CRYBG3: variants seen among roughly 807,000 people sequenced by gnomAD.
CRYBG3 encodes very large A-kinase anchor protein.
A neutral mutation model predicts 244.2 loss-of-function variants in CRYBG3; 127 were observed. That is an observed-to-expected ratio of 0.52 (90% CI 0.45 to 0.60). CRYBG3 has a LOEUF of 0.60. Among genes scored for constraint, CRYBG3 ranks in the 20% least tolerant of loss-of-function variants. The probability of loss-of-function intolerance (pLI) is 0.00; values close to 1 mark genes in which losing one functional copy is unlikely to be tolerated. For synonymous variants in CRYBG3, 1,132 were observed against 1,195.8 expected, an observed-to-expected ratio of 0.95 and a Z score of 1.10; for missense variants, 3,325 against 3,442.5, an observed-to-expected ratio of 0.97 and a Z score of 0.85.
At chr3:97,897,173 C>T (rs2039648903) in intron 12 of CRYBG3, among the ~76,000 whole-genome samples, 3 of 151,820 alleles carry the variant, frequency 2.0e-5, no homozygotes, top group African/African-American at 7.3e-5. Context: ...AGATCTTTGA[C>T]ATTGAGTTGG....
In CRYBG3 at chr3:97,874,406, G is replaced by A. The variant is rs1364787378; in HGVS notation, c.3212G>A (p.Ser1071Asn). ...TCCTCTAGTTACCCTGAAGAAGTTA[G>A]CATGATAGTAAATTCACATAAGCCC... ...SSSSSYPEEV[S>N]MIVNSHKPQN... Residue 1071 changes from serine (S) to asparagine (N), a missense_variant, in exon 4 of 22, where the codon AGC becomes AAC. Around this residue, in one of 4 missense-constraint regions of CRYBG3, gnomAD observed 1,526 missense variants for 1,443.2 expected, o/e 1.06. Transcript: ENST00000389622. 28 of 1,534,648 alleles carry A rather than the reference G, an allele frequency of 1.8e-5. No homozygotes were observed. Among genetic ancestry groups the A allele is most frequent in the South Asian group, 1.7e-4 (14 of 83,584 alleles).
At chr3:97,883,622 A>G (rs1181546305) in intron 7 of CRYBG3, among the ~76,000 whole-genome samples, 1 of 152,126 alleles carries the variant, frequency 6.6e-6, no homozygotes, top group African/African-American at 2.4e-5. Flanking sequence ...TTTTTCTTCT[A>G]GTGTTTGTTC....
At chr3:97,884,814 A>G (rs977432968) in intron 7 of CRYBG3, among the ~76,000 whole-genome samples, 1 of 151,948 alleles carries the variant, frequency 6.6e-6, no homozygotes, top group South Asian at 2.1e-4. Flanking sequence ...ATGCCTTCTC[A>G]TTTTTGTTTA....
rs982614485 is a variant in CRYBG3 at position 97,873,788 on chromosome 3, A to G, written c.2594A>G (p.His865Arg). ...KMSSFPLKIT[H>R]VPEKPILSEL... ...TCTTCTTTTCCATTGAAAATTACCCATGTTCCAGAAAAGCCTATTTTGTCA... is the reference window on the plus strand; with the variant it reads ...TCTTCTTTTCCATTGAAAATTACCCGTGTTCCAGAAAAGCCTATTTTGTCA... The change falls in exon 4 of 22, where the codon CAT becomes CGT. Residue 865 changes from histidine (H) to arginine (R), a missense_variant. By Grantham distance (29) the His-to-Arg change is conservative. Around this residue, in one of 4 missense-constraint regions of CRYBG3, gnomAD observed 1,526 missense variants for 1,443.2 expected, o/e 1.06. Coordinates refer to ENST00000389622, the MANE Select transcript of CRYBG3 (RefSeq NM_153605.4). 3.3e-6 allele frequency: 5 copies of G among 1,532,758 alleles called. No homozygotes were observed. The highest frequency in any genetic ancestry group is 2.8e-5 in the African/African-American group (2 of 72,708). 94.9% of individuals were successfully genotyped at this position (1,532,758 alleles called of 1,614,324 possible). A position where few individuals can be genotyped will look rare whatever the true frequency, so the allele number is the denominator to read the frequency against.
intron 17 of CRYBG3, among the ~76,000 whole-genome samples, chr3:97,931,652 G>A (rs2040098058): frequency 6.6e-6 from 1 of 152,014 alleles, no homozygotes; most frequent in South Asian, 2.1e-4. Context: ...ATCTGGGCAT[G>A]CTTTCCTCCT....
intron 1 of CRYBG3, among the ~76,000 whole-genome samples, chr3:97,823,204 G>A (rs1288040946): frequency 6.6e-6 from 1 of 152,162 alleles, no homozygotes; most frequent in Non-Finnish European, 1.5e-5. Flanking sequence ...AGAAAGAGGG[G>A]TTAAGTAAAA....
intron 14 of CRYBG3, 86 bp from the exon 15 acceptor site, chr3:97,900,367 A>T: frequency 1.2e-6 from 1 of 856,402 alleles, no homozygotes; most frequent in Non-Finnish European, 1.9e-6. Context: ...AAGAAAAAAA[A>T]ATTTTTTTCA....
intron 2 of CRYBG3, among the ~76,000 whole-genome samples, chr3:97,857,487 T>G (rs2039083503): frequency 6.6e-6 from 1 of 151,858 alleles, no homozygotes; most frequent in Non-Finnish European, 1.5e-5. Context: ...CCAGCTATTA[T>G]TATATTGGGA....
chr3:97,855,010 A>G (rs1203704446), intron 2 of CRYBG3, among the ~76,000 whole-genome samples: 2 of 151,976 alleles, frequency 1.3e-5, no homozygotes, highest in African/African-American at 2.4e-5. Flanking sequence ...CCTTTATTTC[A>G]TTGAGGTACA....
chr3:97,905,952 T>G (rs2039769384), intron 15 of CRYBG3, among the ~76,000 whole-genome samples: 1 of 148,880 alleles, frequency 6.7e-6, no homozygotes, highest in African/African-American at 2.5e-5. Context: ...CAGTTTCAGC[T>G]TTCTGCATAT....
At chr3:97,904,659 C>A (rs1559739049) in intron 15 of CRYBG3, among the ~76,000 whole-genome samples, 1 of 148,726 alleles carries the variant, frequency 6.7e-6, no homozygotes, top group African/African-American at 2.5e-5. Context: ...TGCGGCTTTT[C>A]TTTTATTTTT....
At chr3:97,924,356 T>G (rs1280065003) in intron 17 of CRYBG3, 3 of 444,024 alleles carry the variant, frequency 6.8e-6, no homozygotes, top group Non-Finnish European at 4.5e-6. Context: ...ACCCTGATGA[T>G]ACTGCAGTAG....
At chr3:97,933,501 CA>C in intron 17 of CRYBG3, 192 bp from the exon 18 acceptor site, 1 of 678,620 alleles carries the variant, frequency 1.5e-6, no homozygotes, top group South Asian at 1.6e-5. Flanking sequence ...TTTTAGTTTA[CA>C]AAAAAGTGAA....
chr3:97,886,227 G>A (rs1427630149), intron 7 of CRYBG3, among the ~76,000 whole-genome samples: 13 of 152,060 alleles, frequency 8.5e-5, no homozygotes, highest in Admixed American at 8.5e-4. Flanking sequence ...TCCCCGATGA[G>A]ATCAGCTTTT....
At chr3:97,846,598 T>A (rs2038905941) in intron 2 of CRYBG3, among the ~76,000 whole-genome samples, 1 of 152,178 alleles carries the variant, frequency 6.6e-6, no homozygotes, top group African/African-American at 2.4e-5. Context: ...GGGAGGATTG[T>A]CTTACTGTTT....
At chr3:97,936,125 T>C (rs1385343393) in intron 18 of CRYBG3, among the ~76,000 whole-genome samples, 2 of 152,100 alleles carry the variant, frequency 1.3e-5, no homozygotes, top group Non-Finnish European at 2.9e-5. Context: ...GAAGTTGCTA[T>C]GGTAGTGCAA....
intron 17 of CRYBG3, among the ~76,000 whole-genome samples, chr3:97,922,960 G>T (rs148912178): frequency 5.1e-4 from 77 of 152,176 alleles, no homozygotes; most frequent in African/African-American, 1.7e-3. Flanking sequence ...AATGATAGAC[G>T]GGATTAAGAA....
chr3:97,868,484 C>A (rs1559725382), intron 3 of CRYBG3, among the ~76,000 whole-genome samples: 1 of 152,004 alleles, frequency 6.6e-6, no homozygotes, highest in Non-Finnish European at 1.5e-5. Context: ...ATTTCCTATT[C>A]TTTAAATATA....
chr3:97,914,386 T>C (rs977118351), intron 16 of CRYBG3, among the ~76,000 whole-genome samples: 1 of 152,154 alleles, frequency 6.6e-6, no homozygotes, highest in Non-Finnish European at 1.5e-5. Context: ...ATGAGAAGCA[T>C]TGAAGTTTTT....
Sources: gnomAD v4.1 joint callset for allele counts (sites outside exome capture counted in the v4.1 genomes callset) on GRCh38, gnomAD v4.1.1 for gene constraint, gnomAD v4.1.1 regional missense constraint, MANE v1.5 for transcripts, NCBI Gene and HGNC (gene_info 2026-07-23, HGNC 2026-07-21) for gene names.